MORC3: variants seen among roughly 807,000 people sequenced by gnomAD.
The protein encoded by MORC3 is MORC family CW-type zinc finger 3, also known as MORC family CW-type zinc finger protein 3.
Under a neutral mutation model 109.1 loss-of-function variants are expected in MORC3, and 31 were observed. The ratio of observed to expected loss-of-function variants is 0.28; its 90% CI spans 0.21 to 0.38. The LOEUF (loss-of-function observed/expected upper bound fraction) is 0.38. MORC3 is among the 10% of genes least tolerant of loss of function. The probability of loss-of-function intolerance (pLI) is 1.00; values close to 1 mark genes in which losing one functional copy is unlikely to be tolerated. For missense variants in MORC3, 867 were observed against 1,135.8 expected (o/e 0.76, Z 3.40); for synonymous variants, 395 against 380.7 (o/e 1.04, Z -0.44).
chr21:36,365,819 T>A (rs2085774676), intron 14 of MORC3, among the ~76,000 whole-genome samples: 1 of 152,116 alleles, frequency 6.6e-6, no homozygotes, highest in Non-Finnish European at 1.5e-5. Context: ...TGACCTCAGG[T>A]GATCCGCCCG....
intron 8 of MORC3, 112 bp downstream of exon 8, chr21:36,345,143 C>A: frequency 1.7e-6 from 2 of 1,156,702 alleles, no homozygotes; most frequent in Non-Finnish European, 2.4e-6. Flanking sequence ...TTGCCTATAG[C>A]TTTTTAATGT....
Position 36,369,592 on chromosome 21 carries a change from G to A in MORC3, c.2224G>A (p.Glu742Lys). The stretch of plus-strand genomic sequence containing the variant: ...AATGAATGACAAGTATGTTAAGAAA[G>A]AAACTTGCCATCAGTCCACTGAAAC... ...LEMNDKYVKKETCHQSTETDA... is the reference protein window; with the variant it reads ...LEMNDKYVKKKTCHQSTETDA... Residue 742 changes from glutamate to lysine, a missense_variant, in exon 15 of 17, where the codon GAA becomes AAA. Coordinates refer to ENST00000400485, the MANE Select transcript of MORC3 (RefSeq NM_015358.3). 6.2e-7 allele frequency: 1 copy of A among 1,614,156 alleles called. No homozygotes were observed. Among genetic ancestry groups the A allele is most frequent in the Non-Finnish European group, 8.5e-7 (1 of 1,180,032 alleles).
chr21:36,348,669 A>G (rs1335460655), intron 8 of MORC3, among the ~76,000 whole-genome samples: 2 of 152,150 alleles, frequency 1.3e-5, no homozygotes, highest in South Asian at 2.1e-4. Flanking sequence ...TCGGCTTCCC[A>G]AAGTGTTGGG....
chr21:36,320,231 C>T lies in MORC3; in HGVS notation c.-34C>T, dbSNP rs184346068. The T allele has an allele frequency of 7.4e-4, 1,162 of 1,570,104 alleles. 5 individuals carry two copies. The Admixed American group carries it at 0.015, about 20-fold the overall frequency. On this transcript the variant is annotated 5_prime_UTR_variant, in exon 1 of 17. Transcript: ENST00000400485. ...CCGCCACCTCCCAGTCGGGTTGCGG[C>T]GGAGGCCGTTCCTGGCTTTGTAGCT...
intron 14 of MORC3, among the ~76,000 whole-genome samples, chr21:36,365,747 A>G (rs992389638): frequency 6.6e-6 from 1 of 151,886 alleles, no homozygotes; most frequent in African/African-American, 2.4e-5. Context: ...TGCCTGGCTA[A>G]TTTTTTGTAT....
chr21:36,341,985 T>A (rs1569095512), intron 6 of MORC3, among the ~76,000 whole-genome samples: 1 of 152,186 alleles, frequency 6.6e-6, no homozygotes, highest in Non-Finnish European at 1.5e-5. Context: ...CCCAGCACTT[T>A]GGGAGGCCAA....
chr21:36,366,023 T>G (rs542513766), intron 14 of MORC3, among the ~76,000 whole-genome samples: 64 of 152,304 alleles, frequency 4.2e-4, no homozygotes, highest in African/African-American at 1.3e-3. Context: ...AGATAAGAGA[T>G]TAAAGGTATT....
intron 6 of MORC3, among the ~76,000 whole-genome samples, chr21:36,342,477 A>C (rs1010563332): frequency 7.2e-5 from 11 of 151,990 alleles, no homozygotes; most frequent in African/African-American, 2.7e-4. Flanking sequence ...ATCTCAGCTC[A>C]CTGCAGCCTC....
chr21:36,337,079 T>C (rs1415250398), intron 3 of MORC3, 73 bp downstream of exon 3: 1 of 1,530,246 alleles, frequency 6.5e-7, no homozygotes, highest in African/African-American at 1.4e-5. Flanking sequence ...ATACTTACTA[T>C]TCTTGGTTTT....
At chr21:36,325,257 A>G (rs2085236349) in intron 1 of MORC3, among the ~76,000 whole-genome samples, 1 of 152,232 alleles carries the variant, frequency 6.6e-6, no homozygotes, top group African/African-American at 2.4e-5. Context: ...ACAAGATGCT[A>G]TCCAGAAAAG....
intron 1 of MORC3, among the ~76,000 whole-genome samples, chr21:36,329,590 C>T (rs1450878928): frequency 1.3e-5 from 2 of 152,146 alleles, no homozygotes; most frequent in Non-Finnish European, 2.9e-5. Context: ...TAAGGCTCTT[C>T]CAACCATTTT....
In MORC3 at chr21:36,320,235, G is replaced by T. The variant is rs777300355; in HGVS notation, c.-30G>T. 6.4e-7 allele frequency: 1 copy of T among 1,574,530 alleles called. No homozygotes were observed. The highest frequency in any genetic ancestry group is 8.6e-7 in the Non-Finnish European group (1 of 1,161,152). On this transcript the variant is annotated 5_prime_UTR_variant, in exon 1 of 17. In the 5' UTR this introduces an upstream ATG that the reference lacks. Transcript: ENST00000400485. ...CACCTCCCAGTCGGGTTGCGGCGGA[G>T]GCCGTTCCTGGCTTTGTAGCTCGCT...
At position 36,368,983 on chromosome 21, in the gene MORC3, T is replaced by C; in HGVS notation, c.1620-5T>C. On this transcript the variant is annotated splice_region_variant and splice_polypyrimidine_tract_variant and intron_variant, in intron 14 of 16. Transcript: ENST00000400485. Reference sequence around the variant, plus strand: ...CTTATGTTTTATGTATAAAATTTTTTTCAGCTTGAAACGGAGACTTTCTAC... The same window carrying C: ...CTTATGTTTTATGTATAAAATTTTTCTCAGCTTGAAACGGAGACTTTCTAC... 6.3e-7 allele frequency: 1 copy of C among 1,586,444 alleles called. No homozygotes were observed. Among genetic ancestry groups the C allele is most frequent in the Non-Finnish European group, 8.6e-7 (1 of 1,167,318 alleles).
chr21:36,329,425 T>G (rs549189845), intron 1 of MORC3, among the ~76,000 whole-genome samples: 8 of 152,292 alleles, frequency 5.3e-5, no homozygotes, highest in South Asian at 4.1e-4. Flanking sequence ...GTGTTTTTTT[T>G]GGGTTTTGTG....
intron 8 of MORC3, among the ~76,000 whole-genome samples, chr21:36,346,798 G>A (rs2085512362): frequency 1.3e-5 from 2 of 151,776 alleles, no homozygotes; most frequent in African/African-American, 4.8e-5. Flanking sequence ...AACAGGGTGA[G>A]GTCCTATCTC....
intron 1 of MORC3, among the ~76,000 whole-genome samples, chr21:36,326,075 T>TAATCCCA (rs2085244696): frequency 6.7e-6 from 1 of 150,246 alleles, no homozygotes; most frequent in Non-Finnish European, 1.5e-5. Context: ...GGCATGGTGG[T>TAATCCCA]GGGTGCCTGT....
chr21:36,371,720 A>G (rs1294494588), intron 15 of MORC3, among the ~76,000 whole-genome samples: 3 of 152,176 alleles, frequency 2.0e-5, no homozygotes, highest in African/African-American at 7.2e-5. Flanking sequence ...TTGTAACTTA[A>G]TTATAAGCTG....
intron 1 of MORC3, among the ~76,000 whole-genome samples, chr21:36,321,714 A>G (rs1223254494): frequency 6.6e-6 from 1 of 151,226 alleles, no homozygotes; most frequent in South Asian, 2.1e-4. Context: ...TCTTTCCCCT[A>G]TCTCCTTTCC....
At chr21:36,343,447 T>G (rs2085473539) in intron 6 of MORC3, among the ~76,000 whole-genome samples, 1 of 116,032 alleles carries the variant, frequency 8.6e-6, no homozygotes, top group Non-Finnish European at 1.8e-5. Context: ...ACTTTTTGCT[T>G]TCTTTTTTTT....
Sources: gnomAD v4.1 joint callset for allele counts (sites outside exome capture counted in the v4.1 genomes callset) on GRCh38, gnomAD v4.1.1 for gene constraint, MANE v1.5 for transcripts, NCBI Gene and HGNC (gene_info 2026-07-23, HGNC 2026-07-21) for gene names.